Variants in MGAT4C observed in about 807,000 individuals in gnomAD.
MGAT4C encodes the protein MGAT4 family member C.
In MGAT4C, 19 loss-of-function variants were observed where a neutral mutation model predicts 40.1. That is an observed-to-expected ratio of 0.47 (90% CI 0.33 to 0.70). The LOEUF (loss-of-function observed/expected upper bound fraction) is 0.70, where lower values mean the gene tolerates loss of function less well. MGAT4C is among the 30% of genes least tolerant of loss of function. The pLI is 0.02. For missense variants in MGAT4C, 491 were observed against 563.2 expected (o/e 0.87, Z 1.30); for synonymous variants, 181 against 187.1 (o/e 0.97, Z 0.27).
At chr12:86,065,262 C>T (rs7295765) in intron 1 of MGAT4C, among the ~76,000 whole-genome samples, 1 of 152,094 alleles carries the variant, frequency 6.6e-6, no homozygotes, top group Admixed American at 6.5e-5. Flanking sequence ...CAACAAATAA[C>T]GAAAATTTCA....
chr12:86,758,915 C>A (rs1050383523), intron 1 of MGAT4C, among the ~76,000 whole-genome samples: 2 of 151,978 alleles, frequency 1.3e-5, no homozygotes, highest in African/African-American at 4.8e-5. Context: ...TCTCTTCTGC[C>A]TGTTTTGAAA....
At chr12:86,628,785 C>A (rs1042442125) in intron 2 of MGAT4C, among the ~76,000 whole-genome samples, 7 of 152,146 alleles carry the variant, frequency 4.6e-5, no homozygotes, top group African/African-American at 9.7e-5. Context: ...CAAGCCACTG[C>A]AAAAACATGC....
At chr12:86,838,392 G>T (rs1309738847) in intron 1 of MGAT4C, among the ~76,000 whole-genome samples, 4 of 152,088 alleles carry the variant, frequency 2.6e-5, no homozygotes, top group Admixed American at 1.3e-4. Flanking sequence ...ATCCTCAAGA[G>T]AATTAATATG....
chr12:86,570,333 A>T (rs1033243330), intron 2 of MGAT4C, among the ~76,000 whole-genome samples: 4 of 152,076 alleles, frequency 2.6e-5, no homozygotes, highest in Non-Finnish European at 5.9e-5. Flanking sequence ...AATAAATTTT[A>T]AAAATTTTAC....
intron 2 of MGAT4C, among the ~76,000 whole-genome samples, chr12:86,713,579 T>A (rs1950596023): frequency 6.6e-6 from 1 of 152,136 alleles, no homozygotes; most frequent in South Asian, 2.1e-4. Flanking sequence ...GATAGTTTCA[T>A]GAAAATATTG....
chr12:86,083,853 G>T lies in MGAT4C; in HGVS notation c.-56-34130C>A, dbSNP rs540518736. 3.6e-4 allele frequency among the ~76,000 whole-genome samples: 55 copies of T among 152,184 alleles called. 1 individual carries two copies. Among genetic ancestry groups the T allele is most frequent in the Non-Finnish European group, 7.7e-4 (52 of 67,968 alleles). ...ATCTAAGGTTGGCAAGTTGCAAAAAGAGAAGGAATATTCAACACCTGTCCA... is the reference window on the plus strand; with the variant it reads ...ATCTAAGGTTGGCAAGTTGCAAAAATAGAAGGAATATTCAACACCTGTCCA... On this transcript the variant is annotated intron_variant, in intron 1 of 4. Transcript: ENST00000611864.
At chr12:86,199,292 G>C (rs1949944966) in intron 1 of MGAT4C, among the ~76,000 whole-genome samples, 1 of 152,134 alleles carries the variant, frequency 6.6e-6, no homozygotes, top group Admixed American at 6.5e-5. Context: ...GGCAGAGGCA[G>C]CAGTGAGTGG....
At chr12:86,183,724 A>C (rs1019799550) in intron 1 of MGAT4C, among the ~76,000 whole-genome samples, 2 of 152,176 alleles carry the variant, frequency 1.3e-5, no homozygotes. Flanking sequence ...TCTGACTTAC[A>C]TACTGGCTTG....
rs1884011081 is a variant in MGAT4C at position 85,976,676 on chromosome 12, A to G, written c.*2613T>C. 6.8e-6 allele frequency: 1 copy of G among 146,570 alleles called. No homozygotes were observed. Among genetic ancestry groups the G allele is most frequent in the African/African-American group, 2.5e-5 (1 of 40,646 alleles). The allele number at this position is 146,570 out of a possible 1,614,324, so 9.1% of individuals were successfully genotyped here. A position where few individuals can be genotyped will look rare whatever the true frequency, so the allele number is the denominator to read the frequency against. On this transcript the variant is annotated 3_prime_UTR_variant, in exon 5 of 5. Coordinates refer to ENST00000611864, the MANE Select transcript of MGAT4C (RefSeq NM_001351288.2). ...ATATATATGTATATATATATTATATATATGTATATATGTATTATATATGTA... is the reference window on the plus strand; with the variant it reads ...ATATATATGTATATATATATTATATGTATGTATATATGTATTATATATGTA...
intron 2 of MGAT4C, among the ~76,000 whole-genome samples, chr12:86,603,621 ATAGTC>A (rs1159819559): frequency 8.0e-6 from 1 of 125,642 alleles, no homozygotes; most frequent in Non-Finnish European, 1.6e-5. Flanking sequence ...TATATATTAT[ATAGTC>A]TATAGACTAT....
At chr12:86,639,453 A>C (rs2136517785) in intron 2 of MGAT4C, among the ~76,000 whole-genome samples, 1 of 151,840 alleles carries the variant, frequency 6.6e-6, no homozygotes, top group Non-Finnish European at 1.5e-5. Context: ...ATTACAAGGT[A>C]AATTTAGGTG....
chr12:86,567,456 A>C (rs1960180858), intron 2 of MGAT4C, among the ~76,000 whole-genome samples: 1 of 152,200 alleles, frequency 6.6e-6, no homozygotes. Context: ...TGGATTATCA[A>C]GATGAAATCA....
chr12:86,814,471 A>G (rs1952561208), intron 1 of MGAT4C, among the ~76,000 whole-genome samples: 1 of 150,524 alleles, frequency 6.6e-6, no homozygotes, highest in African/African-American at 2.4e-5. Flanking sequence ...TCTCATAATT[A>G]TATTAATTCC....
At chr12:86,526,546 C>G (rs1958886409) in intron 2 of MGAT4C, among the ~76,000 whole-genome samples, 1 of 151,968 alleles carries the variant, frequency 6.6e-6, no homozygotes, top group African/African-American at 2.4e-5. Flanking sequence ...ATGGAGGCCC[C>G]CAGGGAACCC....
At chr12:86,094,695 C>G (rs1044005500) in intron 1 of MGAT4C, among the ~76,000 whole-genome samples, 1 of 151,932 alleles carries the variant, frequency 6.6e-6, no homozygotes, top group Non-Finnish European at 1.5e-5. Flanking sequence ...GTCTTCTTTT[C>G]TTTCTTTTAT....
intron 2 of MGAT4C, among the ~76,000 whole-genome samples, chr12:86,568,578 C>T (rs1259598842): frequency 7.3e-6 from 1 of 136,608 alleles, no homozygotes; most frequent in East Asian, 2.3e-4. Flanking sequence ...CCTGTTAGTT[C>T]TCTCCCTCTA....
chr12:86,378,322 C>A (rs931365881), intron 3 of MGAT4C, among the ~76,000 whole-genome samples: 4 of 151,962 alleles, frequency 2.6e-5, no homozygotes, highest in African/African-American at 4.8e-5. Context: ...ATATGAATGA[C>A]CACAGTGTGT....
intron 3 of MGAT4C, among the ~76,000 whole-genome samples, chr12:86,430,312 A>G (rs532626495): frequency 6.6e-6 from 1 of 152,270 alleles, no homozygotes; most frequent in South Asian, 2.1e-4. Context: ...TGGAGGTGTC[A>G]TGATTCCTTG....
chr12:86,664,571 T>A (rs1964056843), intron 2 of MGAT4C, among the ~76,000 whole-genome samples: 1 of 152,168 alleles, frequency 6.6e-6, no homozygotes, highest in Non-Finnish European at 1.5e-5. Context: ...CATCTGTAGT[T>A]AAGAATGCTA....
Sources: allele counts gnomAD v4.1 joint callset (sites outside exome capture counted in the v4.1 genomes callset), GRCh38; gene constraint gnomAD v4.1.1; transcripts MANE v1.5; gene names NCBI Gene and HGNC (gene_info 2026-07-23, HGNC 2026-07-21).